The following ARHGEF28 variants were observed in gnomAD, a reference collection of about 807,000 sequenced individuals.
ARHGEF28 encodes Rho guanine nucleotide exchange factor 28.
A neutral mutation model predicts 206.6 loss-of-function variants in ARHGEF28; 152 were observed. The observed-to-expected ratio is 0.74, with a 90% CI of 0.64 to 0.84. The LOEUF is 0.84. Ranked by LOEUF, ARHGEF28 falls within the 40% of genes least tolerant of loss-of-function variation. ARHGEF28 has a pLI of 0.00. For synonymous variants in ARHGEF28, 763 were observed against 776.4 expected, an observed-to-expected ratio of 0.98 and a Z score of 0.29; for missense variants, 2,028 against 2,073.2, an observed-to-expected ratio of 0.98 and a Z score of 0.42.
At chr5:73,631,430 TA>T (rs1743360119) in intron 1 of ARHGEF28, among the ~76,000 whole-genome samples, 1 of 152,222 alleles carries the variant, frequency 6.6e-6, no homozygotes, top group African/African-American at 2.4e-5. Flanking sequence ...ATTCAGTGAT[TA>T]ATGAGACTAC....
At chr5:73,859,737 C>T (rs1459247659) in intron 16 of ARHGEF28, among the ~76,000 whole-genome samples, 4 of 152,088 alleles carry the variant, frequency 2.6e-5, no homozygotes, top group Non-Finnish European at 5.9e-5. Flanking sequence ...TCAGTTCATT[C>T]GTGTGATGGG....
At chr5:73,811,247 C>T (rs760734917) in intron 9 of ARHGEF28, among the ~76,000 whole-genome samples, 6 of 152,250 alleles carry the variant, frequency 3.9e-5, no homozygotes, top group African/African-American at 9.6e-5. Context: ...GACCTATGCA[C>T]ACTCCCATCA....
intron 35 of ARHGEF28, among the ~76,000 whole-genome samples, chr5:73,916,938 T>C (rs1211683136): frequency 6.6e-6 from 1 of 152,252 alleles, no homozygotes; most frequent in Non-Finnish European, 1.5e-5. Flanking sequence ...TGAATATTTA[T>C]ATCTGTATAT....
chr5:73,934,575 GC>G (rs1764312361), intron 35 of ARHGEF28, among the ~76,000 whole-genome samples: 1 of 152,104 alleles, frequency 6.6e-6, no homozygotes, highest in African/African-American at 2.4e-5. Flanking sequence ...ATTTGTTCTG[GC>G]ATCTTGACCA....
At chr5:73,788,733 A>T (rs899435012) in intron 7 of ARHGEF28, among the ~76,000 whole-genome samples, 8 of 152,172 alleles carry the variant, frequency 5.3e-5, no homozygotes, top group African/African-American at 1.9e-4. Flanking sequence ...ATCTCCAAAA[A>T]AATTACCAAT....
intron 9 of ARHGEF28, among the ~76,000 whole-genome samples, chr5:73,828,867 C>T (rs1459194021): frequency 6.6e-6 from 1 of 151,602 alleles, no homozygotes; most frequent in African/African-American, 2.4e-5. Context: ...GTCGTCCAGG[C>T]TGGAGTGTAG....
At chr5:73,799,915 C>G (rs1000571369) in intron 9 of ARHGEF28, among the ~76,000 whole-genome samples, 1 of 152,140 alleles carries the variant, frequency 6.6e-6, no homozygotes, top group Non-Finnish European at 1.5e-5. Flanking sequence ...GCCTCATCTA[C>G]TCTTCCAGGT....
At chr5:73,736,809 A>T (rs996362679) in intron 2 of ARHGEF28, among the ~76,000 whole-genome samples, 1 of 149,302 alleles carries the variant, frequency 6.7e-6, no homozygotes, top group African/African-American at 2.4e-5. Flanking sequence ...TTTGTAAACA[A>T]CGTCGAATTT....
intron 33 of ARHGEF28, among the ~76,000 whole-genome samples, chr5:73,907,518 T>A (rs1762624679): frequency 6.6e-6 from 1 of 152,238 alleles, no homozygotes; most frequent in African/African-American, 2.4e-5. Context: ...TATATGTGAC[T>A]GAAGTTTTTA....
intron 11 of ARHGEF28, among the ~76,000 whole-genome samples, chr5:73,843,026 C>T (rs1344409735): frequency 1.3e-5 from 2 of 151,566 alleles, no homozygotes; most frequent in East Asian, 1.9e-4. Flanking sequence ...GTGTGTGAGC[C>T]CCCAGATCTC....
chr5:73,665,278 A>G (rs1293904409), intron 1 of ARHGEF28, among the ~76,000 whole-genome samples: 1 of 152,202 alleles, frequency 6.6e-6, no homozygotes, highest in Non-Finnish European at 1.5e-5. Flanking sequence ...ATTGAGGTAC[A>G]GAAAAGGTTC....
At chr5:73,755,159 AATATAG>A (rs1289974901) in intron 4 of ARHGEF28, among the ~76,000 whole-genome samples, 1 of 151,522 alleles carries the variant, frequency 6.6e-6, no homozygotes, top group African/African-American at 2.4e-5. Flanking sequence ...GATCTACATT[AATATAG>A]ATATAGTATA....
chr5:73,641,844 T>C (rs779203484), intron 1 of ARHGEF28, among the ~76,000 whole-genome samples: 6 of 152,176 alleles, frequency 3.9e-5, no homozygotes, highest in Non-Finnish European at 8.8e-5. Context: ...AGTTTGATAT[T>C]AATAATGAAG....
Position 73,858,072 on chromosome 5 carries a change from C to G in ARHGEF28, c.1915-15C>G. The G allele has an allele frequency of 6.3e-7, 1 of 1,590,722 alleles. No homozygotes were observed. Among genetic ancestry groups the G allele is most frequent in the Non-Finnish European group, 8.5e-7 (1 of 1,172,818 alleles). ...ATTTTTCCCCACTTTCCTACTGCTG[C>G]TGCTGCATCTGAAGACAAAAAGCAA... On this transcript the variant is annotated splice_polypyrimidine_tract_variant and intron_variant, in intron 15 of 35. Coordinates refer to ENST00000513042, the MANE Select transcript of ARHGEF28 (RefSeq NM_001177693.2).
chr5:73,712,000 A>T (rs1449532233), intron 2 of ARHGEF28, among the ~76,000 whole-genome samples: 1 of 152,032 alleles, frequency 6.6e-6, no homozygotes, highest in East Asian at 1.9e-4. Flanking sequence ...CTTTTAAATT[A>T]TGAACAAATG....
chr5:73,861,595 G>A (rs1338767011), intron 16 of ARHGEF28, among the ~76,000 whole-genome samples: 1 of 152,156 alleles, frequency 6.6e-6, no homozygotes, highest in Non-Finnish European at 1.5e-5. Context: ...ACAACACCCA[G>A]CTATATGTGA....
At chr5:73,688,133 A>C (rs190055138) in intron 2 of ARHGEF28, among the ~76,000 whole-genome samples, 1 of 152,312 alleles carries the variant, frequency 6.6e-6, no homozygotes, top group East Asian at 1.9e-4. Flanking sequence ...AACACTATGC[A>C]TAATTGTATG....
intron 9 of ARHGEF28, among the ~76,000 whole-genome samples, chr5:73,802,948 C>A (rs908055429): frequency 2.1e-5 from 3 of 145,080 alleles, no homozygotes; most frequent in African/African-American, 7.7e-5. Flanking sequence ...TACTGAGTAT[C>A]CAGTGGCTAA....
chr5:73,862,174 C>T (rs1214722124), intron 16 of ARHGEF28, among the ~76,000 whole-genome samples: 1 of 152,100 alleles, frequency 6.6e-6, no homozygotes, highest in Non-Finnish European at 1.5e-5. Flanking sequence ...AGTTTCTTGG[C>T]TATTATGTTG....
Sources: allele counts gnomAD v4.1 joint callset (sites outside exome capture counted in the v4.1 genomes callset), GRCh38; gene constraint gnomAD v4.1.1; transcripts MANE v1.5; gene names NCBI Gene and HGNC (gene_info 2026-07-23, HGNC 2026-07-21).